Variants in SORCS1 observed in about 807,000 individuals in gnomAD.
SORCS1 encodes the protein sortilin related VPS10 domain containing receptor 1, also known as VPS10 domain-containing receptor SorCS1.
SORCS1 carries 60 observed loss-of-function variants against 146.1 expected under a neutral mutation model. The observed-to-expected ratio is 0.41, with a 90% confidence interval of 0.33 to 0.51. The LOEUF (loss-of-function observed/expected upper bound fraction) is 0.51. Among genes scored for constraint, SORCS1 ranks in the 20% least tolerant of loss-of-function variants. SORCS1 has a pLI of 0.21. For synonymous variants in SORCS1, 637 were observed against 584.0 expected (o/e 1.09, Z -1.31); for missense variants, 1,352 against 1,487.6 (o/e 0.91, Z 1.50).
At chr10:106,762,332 G>A (rs374516553) in intron 4 of SORCS1, among the ~76,000 whole-genome samples, 13 of 151,370 alleles carry the variant, frequency 8.6e-5, no homozygotes, top group South Asian at 6.3e-4. Flanking sequence ...CATTATTCAG[G>A]CATCTAGCCA....
At chr10:106,987,682 C>T (rs1956542972) in intron 1 of SORCS1, among the ~76,000 whole-genome samples, 1 of 152,182 alleles carries the variant, frequency 6.6e-6, no homozygotes, top group African/African-American at 2.4e-5. Context: ...GCTGATCCCT[C>T]TCCAGTGCCC....
chr10:106,883,634 C>G lies in SORCS1; in HGVS notation c.627-53961G>C, dbSNP rs926534759. 6.6e-5 allele frequency among the ~76,000 whole-genome samples: 10 copies of G among 152,188 alleles called. 1 individual carries two copies. The South Asian group carries it at 2.1e-3, about 32-fold the overall frequency. ...TTCACCATGTTAGCCAGGATGGTCTCGATCTCCTGACCTCGTGATCCACCC... is the reference window on the plus strand; with the variant it reads ...TTCACCATGTTAGCCAGGATGGTCTGGATCTCCTGACCTCGTGATCCACCC... On this transcript the variant is annotated intron_variant, in intron 2 of 25. Transcript: ENST00000263054.
intron 20 of SORCS1, among the ~76,000 whole-genome samples, chr10:106,618,996 C>T (rs1392485869): frequency 6.6e-6 from 1 of 152,164 alleles, no homozygotes; most frequent in Non-Finnish European, 1.5e-5. Flanking sequence ...TCCTCACAAA[C>T]ATTTATTTCC....
chr10:106,827,059 G>A (rs1433724651), intron 3 of SORCS1, among the ~76,000 whole-genome samples: 1 of 152,064 alleles, frequency 6.6e-6, no homozygotes, highest in Admixed American at 6.6e-5. Context: ...TTACCTCTCT[G>A]CTTCCCTTCC....
intron 3 of SORCS1, among the ~76,000 whole-genome samples, chr10:106,778,669 CAAT>C (rs1458255554): frequency 1.3e-5 from 2 of 152,072 alleles, no homozygotes; most frequent in Non-Finnish European, 2.9e-5. Flanking sequence ...TCACAATTAA[CAAT>C]AATGTAAAAC....
chr10:106,930,253 GCCT>G (rs1210056400), intron 2 of SORCS1, among the ~76,000 whole-genome samples: 1 of 151,836 alleles, frequency 6.6e-6, no homozygotes, highest in Non-Finnish European at 1.5e-5. Flanking sequence ...CTGCACCCCA[GCCT>G]GGGCGACAGA....
intron 8 of SORCS1, among the ~76,000 whole-genome samples, chr10:106,704,455 G>A (rs1158430289): frequency 6.6e-6 from 1 of 152,144 alleles, no homozygotes; most frequent in Non-Finnish European, 1.5e-5. Context: ...ACTTTGGGAG[G>A]CCAAGGCAGG....
the SORCS1 span, among the ~76,000 whole-genome samples, chr10:107,172,573 C>G: frequency 6.6e-6 from 1 of 152,206 alleles, no homozygotes; most frequent in Non-Finnish European, 1.5e-5. Context: ...AGACTGCAAA[C>G]TCCTGTAGGT....
intron 6 of SORCS1, among the ~76,000 whole-genome samples, chr10:106,724,031 AACT>A (rs552466170): frequency 1.5e-3 from 228 of 152,302 alleles, no homozygotes; most frequent in African/African-American, 5.0e-3. Flanking sequence ...CAGGTCTGAT[AACT>A]ACTACAATTT....
chr10:106,927,942 C>G (rs1186274460), intron 2 of SORCS1, among the ~76,000 whole-genome samples: 1 of 152,192 alleles, frequency 6.6e-6, no homozygotes, highest in East Asian at 1.9e-4. Context: ...TTCACAAACC[C>G]TGAGCTAGAC....
chr10:106,977,489 T>A (rs1365653854), intron 1 of SORCS1, among the ~76,000 whole-genome samples: 1 of 152,104 alleles, frequency 6.6e-6, no homozygotes, highest in Non-Finnish European at 1.5e-5. Context: ...TGTCTGTTCA[T>A]CAGTGAACAG....
intron 3 of SORCS1, among the ~76,000 whole-genome samples, chr10:106,782,462 T>A (rs1409298983): frequency 6.6e-6 from 1 of 152,140 alleles, no homozygotes; most frequent in Non-Finnish European, 1.5e-5. Flanking sequence ...TTTCAGTCCT[T>A]CATATGTGTG....
At chr10:106,746,842 T>A (rs779956223) in intron 5 of SORCS1, among the ~76,000 whole-genome samples, 1 of 152,184 alleles carries the variant, frequency 6.6e-6, no homozygotes, top group Non-Finnish European at 1.5e-5. Flanking sequence ...TCTTTTGGAT[T>A]CCTCTCTCTT....
intron 3 of SORCS1, among the ~76,000 whole-genome samples, chr10:106,783,477 T>A (rs913366405): frequency 2.0e-5 from 3 of 152,186 alleles, no homozygotes; most frequent in Admixed American, 1.3e-4. Flanking sequence ...CTTTATGTTC[T>A]GCTAAAATAT....
chr10:106,630,563 G>A (rs937762595), intron 18 of SORCS1, among the ~76,000 whole-genome samples: 2 of 152,130 alleles, frequency 1.3e-5, no homozygotes, highest in Non-Finnish European at 2.9e-5. Context: ...TTAACAAGCT[G>A]GAAGACTTCA....
intron 2 of SORCS1, among the ~76,000 whole-genome samples, chr10:106,937,272 C>A (rs1297259974): frequency 6.6e-6 from 1 of 151,560 alleles, no homozygotes; most frequent in Non-Finnish European, 1.5e-5. Context: ...CAGGTTCAAG[C>A]AATTCTCCTG....
At chr10:107,152,500 G>A (rs1053490011) in intron 1 of SORCS1, among the ~76,000 whole-genome samples, 1 of 152,164 alleles carries the variant, frequency 6.6e-6, no homozygotes, top group African/African-American at 2.4e-5. Flanking sequence ...CCTGGATGGG[G>A]ACCCCACACA....
intron 13 of SORCS1, among the ~76,000 whole-genome samples, chr10:106,676,533 G>A (rs1046080493): frequency 2.6e-5 from 4 of 152,104 alleles, no homozygotes; most frequent in Non-Finnish European, 5.9e-5. Flanking sequence ...ACCTGTAATC[G>A]TGCTGAGAGA....
intron 4 of SORCS1, among the ~76,000 whole-genome samples, chr10:106,770,480 CAAAAA>C (rs61310332): frequency 1.6e-5 from 2 of 126,206 alleles, no homozygotes; most frequent in Non-Finnish European, 3.5e-5. Context: ...CAAAAAATCG[CAAAAA>C]AAAAAAAAAA....
Sources: gnomAD v4.1 joint callset for allele counts (sites outside exome capture counted in the v4.1 genomes callset) on GRCh38, gnomAD v4.1.1 for gene constraint, MANE v1.5 for transcripts, NCBI Gene and HGNC (gene_info 2026-07-23, HGNC 2026-07-21) for gene names.